CFAP20DC: variants seen among roughly 807,000 people sequenced by gnomAD.
CFAP20DC encodes protein CFAP20DC.
Under a neutral mutation model 101.7 loss-of-function variants are expected in CFAP20DC, and 84 were observed. That is an observed-to-expected ratio of 0.83 (90% confidence interval 0.69 to 0.99). The LOEUF (loss-of-function observed/expected upper bound fraction) is 0.99. Ranked by LOEUF, CFAP20DC falls within the 50% of genes least tolerant of loss-of-function variation. The pLI is 0.00. For missense variants in CFAP20DC, 1,007 were observed against 970.3 expected, an observed-to-expected ratio of 1.04 and a Z score of -0.50; for synonymous variants, 359 against 351.2, an observed-to-expected ratio of 1.02 and a Z score of -0.25.
At chr3:58,831,926 G>A in intron 13 of CFAP20DC, 37 bp from the exon 14 acceptor site, 3 of 1,576,740 alleles carry the variant, frequency 1.9e-6, no homozygotes, top group Non-Finnish European at 1.7e-6. Flanking sequence ...AGGGTCATTT[G>A]GCCTAATTCT....
intron 5 of CFAP20DC, among the ~76,000 whole-genome samples, chr3:58,920,545 T>C (rs559017935): frequency 6.6e-6 from 1 of 152,220 alleles, no homozygotes; most frequent in East Asian, 1.9e-4. Flanking sequence ...ATATTTATCA[T>C]AAAGTGCTCA....
At position 59,002,034 on chromosome 3, in the gene CFAP20DC, C is replaced by T. The variant is rs960870938; in HGVS notation, c.278+37523G>A. ...ATATACTAAAATGCCGTGTGGTTGG[C>T]CACCATCTTAATCGTTTACCTAGGA... On this transcript the variant is annotated intron_variant, in intron 4 of 16. Transcript: ENST00000482387. The surrounding 1 kb of genome is among the most constrained non-coding windows in gnomAD (Gnocchi z 4.5). Among the ~76,000 whole-genome samples, 1 of 152,138 alleles carries T rather than the reference C, an allele frequency of 6.6e-6. No individual in the cohort carries two copies. Among genetic ancestry groups the T allele is most frequent in the Non-Finnish European group, 1.5e-5 (1 of 68,036 alleles).
At chr3:58,999,843 TAAAAA>T (rs565894929) in intron 4 of CFAP20DC, among the ~76,000 whole-genome samples, 1 of 76,762 alleles carries the variant, frequency 1.3e-5, no homozygotes, top group Non-Finnish European at 2.8e-5. Context: ...GTCACTAATG[TAAAAA>T]AAAAAAAAAA....
At chr3:58,962,681 C>T (rs1245638112) in intron 4 of CFAP20DC, among the ~76,000 whole-genome samples, 1 of 152,132 alleles carries the variant, frequency 6.6e-6, no homozygotes, top group Admixed American at 6.5e-5. Flanking sequence ...GATTATGGGA[C>T]AATTCAAAGC....
rs954734636 is a variant in CFAP20DC, at chr3:58,892,193, T to C, written c.551-7484A>G. Among the ~76,000 whole-genome samples the C allele has an allele frequency of 2.0e-5, 3 of 152,236 alleles. No individual in the cohort carries two copies. Among genetic ancestry groups the C allele is most frequent in the East Asian group, 1.9e-4 (1 of 5,204 alleles). On this transcript the variant is annotated intron_variant, in intron 6 of 16. Transcript: ENST00000482387. The surrounding 1 kb of genome is among the most constrained non-coding windows in gnomAD (Gnocchi z 4.0). ...CTCTATTCTCTTCCACTGGTCTATG[T>C]GCCTGTTTTCGTATCAGTACCATGC...
At position 58,859,944 on chromosome 3, in the gene CFAP20DC, C is replaced by T. The variant is rs1285615893; in HGVS notation, c.1593+3614G>A. Reference sequence around the variant, plus strand: ...CTGTAATCCCAGCACTTTCGGAAGCCGAGGCAGGCAGATCACGAGGTCAGG... The same window carrying T: ...CTGTAATCCCAGCACTTTCGGAAGCTGAGGCAGGCAGATCACGAGGTCAGG... On this transcript the variant is annotated intron_variant, in intron 12 of 16. Transcript: ENST00000482387. The surrounding 1 kb of genome is among the most constrained non-coding windows in gnomAD (Gnocchi z 4.1). Among the ~76,000 whole-genome samples the T allele has an allele frequency of 7.9e-5, 12 of 151,978 alleles. No homozygotes were observed. Among genetic ancestry groups the T allele is most frequent in the African/African-American group, 1.9e-4 (8 of 41,458 alleles).
intron 14 of CFAP20DC, among the ~76,000 whole-genome samples, chr3:58,821,832 A>T (rs1248336896): frequency 7.4e-6 from 1 of 134,824 alleles, no homozygotes; most frequent in Non-Finnish European, 1.6e-5. Flanking sequence ...GCTGCTATAA[A>T]GACACATGCA....
At chr3:58,991,612 T>C (rs899248294) in intron 4 of CFAP20DC, among the ~76,000 whole-genome samples, 2 of 152,176 alleles carry the variant, frequency 1.3e-5, no homozygotes, top group African/African-American at 2.4e-5. Flanking sequence ...AGGGAGGGGA[T>C]GGTTTCAGGA....
intron 6 of CFAP20DC, among the ~76,000 whole-genome samples, chr3:58,904,867 A>C (rs974098494): frequency 2.0e-5 from 3 of 152,160 alleles, no homozygotes; most frequent in Admixed American, 1.3e-4. Context: ...TGAAGGAATA[A>C]ATTTTCTTCA....
intron 15 of CFAP20DC, among the ~76,000 whole-genome samples, chr3:58,796,439 G>T (rs2073249139): frequency 6.6e-6 from 1 of 152,216 alleles, no homozygotes; most frequent in South Asian, 2.1e-4. Context: ...GGGTTCAAGA[G>T]GTTAGAAAAG....
chr3:58,780,491 T>C (rs1366572317), intron 15 of CFAP20DC, among the ~76,000 whole-genome samples: 2 of 151,928 alleles, frequency 1.3e-5, no homozygotes, highest in African/African-American at 2.4e-5. Flanking sequence ...TTAAAAGGTA[T>C]AGACTGGCTG....
intron 14 of CFAP20DC, among the ~76,000 whole-genome samples, chr3:58,808,977 C>T (rs1253898138): frequency 6.6e-6 from 1 of 151,930 alleles, no homozygotes; most frequent in African/African-American, 2.4e-5. Flanking sequence ...AAGGCCATTA[C>T]ATAATGGTAA....
chr3:58,970,606 G>A (rs2091894658), intron 4 of CFAP20DC: 1 of 152,102 alleles, frequency 6.6e-6, no homozygotes, highest in Non-Finnish European at 1.5e-5. Context: ...AGTTTGTGGT[G>A]ACTTGTTATG....
At chr3:58,810,777 G>A (rs2074551103) in intron 14 of CFAP20DC, among the ~76,000 whole-genome samples, 1 of 151,468 alleles carries the variant, frequency 6.6e-6, no homozygotes, top group Non-Finnish European at 1.5e-5. Context: ...CCTGTTTGCA[G>A]ATGACATGAT....
At chr3:58,844,719 G>A (rs1161404982) in intron 13 of CFAP20DC, among the ~76,000 whole-genome samples, 1 of 130,568 alleles carries the variant, frequency 7.7e-6, no homozygotes, top group Non-Finnish European at 1.5e-5. Context: ...ATTTTTTTCA[G>A]CACCACACCA....
intron 5 of CFAP20DC, among the ~76,000 whole-genome samples, chr3:58,917,114 T>A (rs1486816506): frequency 6.6e-6 from 1 of 152,188 alleles, no homozygotes; most frequent in Non-Finnish European, 1.5e-5. Flanking sequence ...AAGACAGTTC[T>A]ATTTAGTATG....
intron 4 of CFAP20DC, 122 bp downstream of exon 4, chr3:59,039,435 G>T: frequency 1.6e-6 from 1 of 607,574 alleles, no homozygotes; most frequent in South Asian, 2.1e-5. Flanking sequence ...ATGTTGACTT[G>T]ATGTAAGTCA....
rs1426308965 is a variant in CFAP20DC at position 58,894,774 on chromosome 3, T to C, written c.551-10065A>G. Among the ~76,000 whole-genome samples, 1 of 152,192 alleles carries C rather than the reference T, an allele frequency of 6.6e-6. No individual in the cohort carries two copies. The highest frequency in any genetic ancestry group is 2.4e-5 in the African/African-American group (1 of 41,450). ...CCCTTCTGCACTGCCCTAGCTGAGG[T>C]TCTCATGAGGGCCCTGCCCCTGCAA... On this transcript the variant is annotated intron_variant, in intron 6 of 16. Transcript: ENST00000482387. The surrounding 1 kb of genome is among the most constrained non-coding windows in gnomAD (Gnocchi z 4.1).
Position 58,849,174 on chromosome 3 carries a change from C to T in CFAP20DC, c.1829G>A (p.Arg610Lys). Reference protein sequence around the residue: ...LPTTCLSPTGRRCGSCQKTPE... With the variant: ...LPTTCLSPTGKRCGSCQKTPE... ...AGTTTTCTGACAGGACCCACACCTT[C>T]TTCCAGTTGGAGAAAGGCATGTTGT... Residue 610 changes from arginine (R) to lysine (K), a missense_variant, in exon 13 of 17, where the codon AGA becomes AAA. By Grantham distance (26) the Arg-to-Lys change is conservative. Transcript: ENST00000482387. 1 of 1,536,138 alleles carries T rather than the reference C, an allele frequency of 6.5e-7. No homozygotes were observed. Among genetic ancestry groups the T allele is most frequent in the East Asian group, 2.4e-5 (1 of 40,918 alleles).
Sources: gnomAD v4.1 joint callset for allele counts (sites outside exome capture counted in the v4.1 genomes callset) on GRCh38, gnomAD v4.1.1 for gene constraint, Gnocchi (gnomAD v3.1) non-coding constraint, MANE v1.5 for transcripts, NCBI Gene and HGNC (gene_info 2026-07-23, HGNC 2026-07-21) for gene names.